Variants in GLYR1 observed in about 807,000 individuals in gnomAD.
The protein encoded by GLYR1 is cytokine-like nuclear factor N-PAC.
GLYR1 carries 21 observed loss-of-function variants against 72.7 expected under a neutral mutation model. The ratio of observed to expected loss-of-function variants is 0.29; its 90% confidence interval spans 0.20 to 0.42. The LOEUF (loss-of-function observed/expected upper bound fraction) is 0.42, where lower values mean the gene tolerates loss of function less well. Among genes scored for constraint, GLYR1 ranks in the 10% least tolerant of loss-of-function variants. The probability of loss-of-function intolerance (pLI) is 1.00; values close to 1 mark genes in which losing one functional copy is unlikely to be tolerated. For synonymous variants in GLYR1, 392 were observed against 270.2 expected, an observed-to-expected ratio of 1.45 and a Z score of -4.42; for missense variants, 594 against 712.1, an observed-to-expected ratio of 0.83 and a Z score of 1.89.
intron 5 of GLYR1, 52 bp downstream of exon 5, chr16:4,831,927 C>G (rs1197373886): frequency 3.2e-6 from 5 of 1,586,688 alleles, no homozygotes; most frequent in Non-Finnish European, 4.3e-6. Context: ...TTAACTCTAC[C>G]TTGTACTAAA....
intron 11 of GLYR1, 56 bp downstream of exon 11, chr16:4,814,481 A>G: frequency 7.3e-7 from 1 of 1,363,922 alleles, no homozygotes; most frequent in African/African-American, 1.4e-5. Context: ...GGAAGAGGCC[A>G]GCCAGCAATC....
At chr16:4,806,466 C>A (rs1208298990) in intron 15 of GLYR1, among the ~76,000 whole-genome samples, 1 of 151,624 alleles carries the variant, frequency 6.6e-6, no homozygotes, top group Non-Finnish European at 1.5e-5. Flanking sequence ...AAGCAATCCT[C>A]CTGCCTCACC....
At position 4,805,818 on chromosome 16, in the gene GLYR1, A is replaced by C. The variant is rs539156990; in HGVS notation, c.1588-508T>G. Among the ~76,000 whole-genome samples the C allele has an allele frequency of 2.0e-4, 30 of 152,124 alleles. No individual in the cohort carries two copies. The East Asian group carries it at 5.6e-3, about 28-fold the overall frequency. On this transcript the variant is annotated intron_variant, in intron 15 of 15. Coordinates refer to ENST00000321919, the MANE Select transcript of GLYR1 (RefSeq NM_032569.4). Reference sequence around the variant, plus strand: ...TCGTGAAACCCCTTCTTTAAAAAAAAAAAATACAAAAAATTAGCCGGGCAT... The same window carrying C: ...TCGTGAAACCCCTTCTTTAAAAAAACAAAATACAAAAAATTAGCCGGGCAT...
At chr16:4,843,554 C>G in intron 3 of GLYR1, 2 of 1,289,082 alleles carry the variant, frequency 1.6e-6, no homozygotes, top group Non-Finnish European at 2.0e-6. Flanking sequence ...AATACTGCCA[C>G]CACAGGCTGC....
At chr16:4,844,976 G>A (rs1280826198) in intron 3 of GLYR1, 98 bp downstream of exon 3, 4 of 803,456 alleles carry the variant, frequency 5.0e-6, no homozygotes, top group East Asian at 4.9e-5. Context: ...ATTATAAGAA[G>A]ACTGAACTAA....
At chr16:4,827,063 G>A (rs185009572) in intron 5 of GLYR1, among the ~76,000 whole-genome samples, 1 of 152,250 alleles carries the variant, frequency 6.6e-6, no homozygotes, top group African/African-American at 2.4e-5. Flanking sequence ...GGTGGGCGCT[G>A]CTGGGGTGCA....
chr16:4,834,463 CT>C lies in GLYR1; in HGVS notation c.156-1552del, dbSNP rs919753814. On this transcript the variant is annotated intron_variant, in intron 3 of 15. Coordinates refer to ENST00000321919, the MANE Select transcript of GLYR1 (RefSeq NM_032569.4). The stretch of plus-strand genomic sequence containing the variant: ...ACAGGCGTGAGCCACCACACCTGGC[CT>C]TTTTTTTTTCCTTTTTGAGACAGAG... Among the ~76,000 whole-genome samples, 179 of 146,324 alleles carry C rather than the reference CT, an allele frequency of 1.2e-3. 1 individual carries two copies. The highest frequency in any genetic ancestry group is 4.4e-3 in the African/African-American group (175 of 39,922).
At chr16:4,817,257 C>T (rs1020407484) in intron 10 of GLYR1, among the ~76,000 whole-genome samples, 8 of 151,712 alleles carry the variant, frequency 5.3e-5, no homozygotes, top group Admixed American at 5.3e-4. Context: ...GCAGCTGGGA[C>T]TACAGGTGCC....
At chr16:4,821,814 T>G (rs1399228360) in intron 7 of GLYR1, 1 of 615,840 alleles carries the variant, frequency 1.6e-6, no homozygotes, top group Admixed American at 2.8e-5. Context: ...ACCATGGTGT[T>G]GAGAATAAGA....
chr16:4,813,766 C>T lies in GLYR1; in HGVS notation c.1090G>A (p.Asp364Asn). 6.2e-7 allele frequency: 1 copy of T among 1,611,480 alleles called. No homozygotes were observed. The highest frequency in any genetic ancestry group is 8.5e-7 in the Non-Finnish European group (1 of 1,178,962). Residue 364 changes from aspartate to asparagine, a missense_variant, in exon 12 of 16, where the codon GAC becomes AAC. Around this residue, in one of 5 missense-constraint regions of GLYR1, gnomAD observed 266 missense variants for 358.4 expected, o/e 0.74. Transcript: ENST00000321919. ...GKCYVDMSTV[D>N]ADTVTELAQV... ...GCCAGCTCAGTGACGGTGTCAGCGT[C>T]CACTGTTGACATGTCCACGTAGCAC...
At chr16:4,846,077 T>C in intron 2 of GLYR1, 97 bp downstream of exon 2, 1 of 1,374,282 alleles carries the variant, frequency 7.3e-7, no homozygotes, top group African/African-American at 1.4e-5. Flanking sequence ...ATGAGCCCAA[T>C]TTAACTCAAT....
chr16:4,821,307 C>T, intron 9 of GLYR1, 73 bp downstream of exon 9: 2 of 1,492,422 alleles, frequency 1.3e-6, no homozygotes, highest in Non-Finnish European at 9.3e-7. Flanking sequence ...CTTAAAGAAC[C>T]CCCCTGGGGT....
At chr16:4,807,537 G>A (rs763834684) in intron 15 of GLYR1, among the ~76,000 whole-genome samples, 2 of 152,140 alleles carry the variant, frequency 1.3e-5, no homozygotes, top group African/African-American at 2.4e-5. Flanking sequence ...ACTACTAAAG[G>A]TCAATGCACC....
intron 5 of GLYR1, among the ~76,000 whole-genome samples, chr16:4,826,262 T>G (rs2084374322): frequency 6.6e-6 from 1 of 152,190 alleles, no homozygotes; most frequent in Non-Finnish European, 1.5e-5. Context: ...TGCAATTATT[T>G]GTTTTCTGTA....
intron 5 of GLYR1, among the ~76,000 whole-genome samples, chr16:4,828,042 A>G (rs1434613373): frequency 6.6e-6 from 1 of 151,772 alleles, no homozygotes; most frequent in African/African-American, 2.4e-5. Flanking sequence ...TTTTTTAAGC[A>G]ATGAAGTATT....
chr16:4,817,917 A>G (rs2083752617), intron 9 of GLYR1: 2 of 514,906 alleles, frequency 3.9e-6, no homozygotes, highest in South Asian at 4.7e-5. Context: ...GTAAACAGGC[A>G]TTTTGAAACC....
chr16:4,832,302 C>T (rs2084851761), intron 4 of GLYR1, 81 bp from the exon 5 acceptor site: 1 of 1,534,866 alleles, frequency 6.5e-7, no homozygotes, highest in Non-Finnish European at 8.9e-7. Flanking sequence ...GTGCCATGTG[C>T]TGCTACAGGC....
chr16:4,810,708 A>T (rs1463035899), intron 15 of GLYR1, among the ~76,000 whole-genome samples: 1 of 118,446 alleles, frequency 8.4e-6, no homozygotes, highest in African/African-American at 2.8e-5. Context: ...CTAAAAAAAA[A>T]AAAAAAAAAA....
chr16:4,805,377 T>G lies in GLYR1; in HGVS notation c.1588-67A>C, dbSNP rs2082908010. On this transcript the variant is annotated intron_variant, in intron 15 of 15. Coordinates refer to ENST00000321919, the MANE Select transcript of GLYR1 (RefSeq NM_032569.4). ...GCCTTCAAGACCTAGACCTGATTCC[T>G]GGAGGCAGTGGTGGATGTGGCCAGC... 3 of 1,349,884 alleles carry G rather than the reference T, an allele frequency of 2.2e-6. No individual in the cohort carries two copies. In the Admixed American group the frequency reaches 5.6e-5, roughly 25 times the overall value. 83.6% of individuals were successfully genotyped at this position (1,349,884 alleles called of 1,614,324 possible). A position where few individuals can be genotyped will look rare whatever the true frequency, so the allele number is the denominator to read the frequency against.
Sources: allele counts gnomAD v4.1 joint callset (sites outside exome capture counted in the v4.1 genomes callset), GRCh38; gene constraint gnomAD v4.1.1; regional missense constraint gnomAD v4.1.1; transcripts MANE v1.5; gene names NCBI Gene and HGNC (gene_info 2026-07-23, HGNC 2026-07-21).